The following STAU1 variants were observed in gnomAD, a reference collection of about 807,000 sequenced individuals.
STAU1 encodes staufen double-stranded RNA binding protein 1.
In STAU1, 13 loss-of-function variants were observed where a neutral mutation model predicts 62.9. The observed-to-expected ratio is 0.21, with a 90% confidence interval of 0.13 to 0.33. The LOEUF (loss-of-function observed/expected upper bound fraction) is 0.33. Ranked by LOEUF, STAU1 falls within the 10% of genes least tolerant of loss-of-function variation. The pLI is 1.00. For synonymous variants in STAU1, 269 were observed against 265.1 expected (o/e 1.01, Z -0.14); for missense variants, 571 against 712.1 (o/e 0.80, Z 2.25).
chr20:49,117,278 T>C lies in STAU1; in HGVS notation c.1510-30A>G, dbSNP rs1489319655. The C allele has an allele frequency of 6.2e-7, 1 of 1,612,496 alleles. No homozygotes were observed. The highest frequency in any genetic ancestry group is 8.5e-7 in the Non-Finnish European group (1 of 1,178,982). On this transcript the variant is annotated intron_variant, in intron 11 of 13. Transcript: ENST00000371856. This position sits in a 1 kb window ranked among gnomAD's most constrained non-coding sequence, Gnocchi z 4.6. ...GGGGGAAAAGAGAGCTGAGGCTAGG[T>C]AGGGAACAGCAAGTATGAGTGGGCT...
upstream of STAU1, among the ~76,000 whole-genome samples, chr20:49,189,355 C>T (rs2093825271): frequency 6.6e-6 from 1 of 151,238 alleles, no homozygotes; most frequent in African/African-American, 2.4e-5. Context: ...AGAATCTTGG[C>T]CAGGCGCAGT....
At chr20:49,149,346 C>A (rs544061777) in intron 5 of STAU1, among the ~76,000 whole-genome samples, 32 of 150,588 alleles carry the variant, frequency 2.1e-4, no homozygotes, top group African/African-American at 6.6e-4. Flanking sequence ...ACACACACAC[C>A]CCCAAGCAAG....
intron 1 of STAU1, among the ~76,000 whole-genome samples, chr20:49,177,102 G>A (rs936313787): frequency 6.6e-6 from 1 of 151,822 alleles, no homozygotes; most frequent in African/African-American, 2.4e-5. Context: ...TAGTAGAGAT[G>A]GGTCTCACCA....
chr20:49,174,413 G>C (rs2093633437), intron 1 of STAU1, 144 bp from the exon 2 acceptor site: 3 of 152,242 alleles, frequency 2.0e-5, no homozygotes, highest in Non-Finnish European at 4.4e-5. Flanking sequence ...GCAGCATGCA[G>C]TAGAGTCTTC....
intron 1 of STAU1, among the ~76,000 whole-genome samples, chr20:49,181,766 CAAAAAAAAAAAAAA>C (rs758956478): frequency 8.1e-5 from 2 of 24,564 alleles, no homozygotes; most frequent in East Asian, 1.8e-3. Context: ...ACTATCTCAA[CAAAAAAAAAAAAAA>C]AAAAAAAAAA....
At chr20:49,165,869 T>G in intron 3 of STAU1, 128 bp downstream of exon 3, 1 of 868,770 alleles carries the variant, frequency 1.2e-6, no homozygotes, top group Non-Finnish European at 1.8e-6. Context: ...TAAAGAAGTG[T>G]GGGTGGTGAT....
the STAU1 span, among the ~76,000 whole-genome samples, chr20:49,202,378 A>G: frequency 6.6e-6 from 1 of 151,924 alleles, no homozygotes; most frequent in African/African-American, 2.4e-5. Flanking sequence ...CCTGGCCAAC[A>G]TGGTAAAACT....
At position 49,117,961 on chromosome 20, in the gene STAU1, G is replaced by A; in HGVS notation, c.1325C>T (p.Ala442Val). The change falls in exon 11 of 14, where the codon GCA becomes GTA. Residue 442 changes from alanine (A) to valine (V), a missense_variant. By Grantham distance (64) the Ala-to-Val change is moderately conservative. Transcript: ENST00000371856. The surrounding 1 kb of genome is among the most constrained non-coding windows in gnomAD (Gnocchi z 4.6). Reference protein sequence around the residue: ...QGHHTKDFTRAAPNPAKATVT... With the variant: ...QGHHTKDFTRVAPNPAKATVT... Reference sequence around the variant, plus strand: ...CGTGGCCTTGGCAGGATTCGGAGCTGCCCTGGTAAAATCTTTGGTGTGATG... The same window carrying A: ...CGTGGCCTTGGCAGGATTCGGAGCTACCCTGGTAAAATCTTTGGTGTGATG... 1 of 1,614,200 alleles carries A rather than the reference G, an allele frequency of 6.2e-7. No homozygotes were observed. The highest frequency in any genetic ancestry group is 8.5e-7 in the Non-Finnish European group (1 of 1,180,044).
chr20:49,121,325 T>C (rs1241999528), intron 8 of STAU1, among the ~76,000 whole-genome samples: 1 of 152,026 alleles, frequency 6.6e-6, no homozygotes, highest in African/African-American at 2.4e-5. Context: ...GGAGAATCAC[T>C]TGAACCTGGG....
chr20:49,210,639 T>G, the STAU1 span: 1 of 390,648 alleles, frequency 2.6e-6, no homozygotes, highest in Non-Finnish European at 5.1e-6. Context: ...GCATATTGTT[T>G]GAATTACTGT....
chr20:49,208,142 C>T, the STAU1 span, among the ~76,000 whole-genome samples: 1 of 152,194 alleles, frequency 6.6e-6, no homozygotes, highest in East Asian at 1.9e-4. Context: ...TCACTGCAAC[C>T]TCAGCTTCCT....
At chr20:49,204,590 C>T in the STAU1 span, among the ~76,000 whole-genome samples, 4 of 60,736 alleles carry the variant, frequency 6.6e-5, no homozygotes, top group Non-Finnish European at 9.0e-5. Flanking sequence ...GTGGATTTTA[C>T]ATTATATATA....
chr20:49,142,829 C>T (rs1450658426), intron 5 of STAU1, among the ~76,000 whole-genome samples: 3 of 152,164 alleles, frequency 2.0e-5, no homozygotes, highest in East Asian at 3.9e-4. Context: ...TGAGACAGGG[C>T]CTCAGCTCTG....
chr20:49,177,768 T>C (rs78824004), intron 1 of STAU1, among the ~76,000 whole-genome samples: 1 of 151,722 alleles, frequency 6.6e-6, no homozygotes, highest in African/African-American at 2.4e-5. Flanking sequence ...ATAAAGACAA[T>C]GCTAAAAAAT....
chr20:49,147,893 T>C (rs1432149193), intron 5 of STAU1, among the ~76,000 whole-genome samples: 1 of 152,208 alleles, frequency 6.6e-6, no homozygotes, highest in African/African-American at 2.4e-5. Flanking sequence ...TTTTATGAAA[T>C]AGATAGGCAT....
upstream of STAU1, among the ~76,000 whole-genome samples, chr20:49,189,111 G>C (rs959403720): frequency 5.3e-5 from 8 of 149,950 alleles, no homozygotes; most frequent in Non-Finnish European, 1.0e-4. Context: ...GCTGAGGCAG[G>C]AGAATCGCTT....
At chr20:49,137,670 C>CTT (rs889308148) in intron 5 of STAU1, among the ~76,000 whole-genome samples, 4 of 145,352 alleles carry the variant, frequency 2.8e-5, no homozygotes, top group Non-Finnish European at 4.6e-5. Flanking sequence ...CTACACTCAA[C>CTT]TTTTTTTTTT....
chr20:49,209,040 A>T, the STAU1 span, among the ~76,000 whole-genome samples: 1 of 151,674 alleles, frequency 6.6e-6, no homozygotes, highest in African/African-American at 2.4e-5. Flanking sequence ...GGCTCAAGTG[A>T]TTCTCCTACC....
At chr20:49,208,613 A>T in the STAU1 span, among the ~76,000 whole-genome samples, 1 of 151,090 alleles carries the variant, frequency 6.6e-6, no homozygotes, top group African/African-American at 2.4e-5. Flanking sequence ...CAACATAGTG[A>T]GATCCTGTCT....
Sources: allele counts gnomAD v4.1 joint callset (sites outside exome capture counted in the v4.1 genomes callset), GRCh38; gene constraint gnomAD v4.1.1; non-coding constraint Gnocchi (gnomAD v3.1); transcripts MANE v1.5; gene names NCBI Gene and HGNC (gene_info 2026-07-23, HGNC 2026-07-21).